PRKN: variants seen among roughly 807,000 people sequenced by gnomAD.
PRKN encodes the protein parkin RBR E3 ubiquitin protein ligase.
Under a neutral mutation model 59.5 loss-of-function variants are expected in PRKN, and 56 were observed. That is an observed-to-expected ratio of 0.94 (90% CI 0.76 to 1.18). The LOEUF (loss-of-function observed/expected upper bound fraction) is 1.18. Among genes scored for constraint, PRKN ranks in the 50% most tolerant of loss-of-function variants. The pLI is 0.00. For missense variants in PRKN, 657 were observed against 596.4 expected, an observed-to-expected ratio of 1.10 and a Z score of -1.06; for synonymous variants, 250 against 222.1, an observed-to-expected ratio of 1.13 and a Z score of -1.12.
chr6:162,487,188 T>C (rs889804200), intron 1 of PRKN, among the ~76,000 whole-genome samples: 2 of 152,204 alleles, frequency 1.3e-5, no homozygotes, highest in African/African-American at 4.8e-5. Context: ...TCTACCTCCT[T>C]GACCACCCAG....
At chr6:162,530,071 A>G (rs559170702) in intron 1 of PRKN, among the ~76,000 whole-genome samples, 4 of 152,014 alleles carry the variant, frequency 2.6e-5, no homozygotes, top group Non-Finnish European at 5.9e-5. Flanking sequence ...TGGAGGTTGC[A>G]GTGAGCCAAG....
chr6:161,628,520 T>C (rs563705737), intron 7 of PRKN, among the ~76,000 whole-genome samples: 1 of 152,338 alleles, frequency 6.6e-6, no homozygotes, highest in East Asian at 1.9e-4. Context: ...CCTTGAGGGT[T>C]AGGAGTTCAC....
At chr6:161,485,912 A>G (rs987362970) in intron 9 of PRKN, among the ~76,000 whole-genome samples, 1 of 152,074 alleles carries the variant, frequency 6.6e-6, no homozygotes, top group African/African-American at 2.4e-5. Flanking sequence ...AGAATTTTAA[A>G]CATATAAGTT....
At chr6:162,102,825 C>A (rs1333163622) in intron 4 of PRKN, among the ~76,000 whole-genome samples, 1 of 144,996 alleles carries the variant, frequency 6.9e-6, no homozygotes, top group Non-Finnish European at 1.5e-5. Flanking sequence ...AGGCGGATCA[C>A]GAGGTCAGGA....
chr6:161,895,540 G>A (rs962085298), intron 6 of PRKN, among the ~76,000 whole-genome samples: 1 of 116,056 alleles, frequency 8.6e-6, no homozygotes, highest in African/African-American at 3.4e-5. Flanking sequence ...AGGCTTCTGA[G>A]ATTCAGGAGC....
intron 5 of PRKN, among the ~76,000 whole-genome samples, chr6:161,994,110 C>T (rs192963797): frequency 1.3e-5 from 2 of 151,954 alleles, no homozygotes; most frequent in East Asian, 3.9e-4. Flanking sequence ...ATGCAAAAAT[C>T]CTCAACAAAA....
chr6:161,861,695 C>G (rs1793910196), intron 6 of PRKN, among the ~76,000 whole-genome samples: 1 of 151,618 alleles, frequency 6.6e-6, no homozygotes, highest in Admixed American at 6.6e-5. Context: ...TCCCCAAATC[C>G]TACCAACTGT....
intron 6 of PRKN, among the ~76,000 whole-genome samples, chr6:161,955,619 G>A (rs1006115581): frequency 6.6e-6 from 1 of 152,222 alleles, no homozygotes; most frequent in Non-Finnish European, 1.5e-5. Context: ...GGGAGACCGA[G>A]GTGGGCGGAT....
In PRKN at chr6:162,217,866, T is replaced by C. The variant is rs1362246439; in HGVS notation, c.413-16614A>G. On this transcript the variant is annotated intron_variant, in intron 3 of 11. Coordinates refer to ENST00000366898, the MANE Select transcript of PRKN (RefSeq NM_004562.3). ...AAGCAATATTCACCTTTCTTCCCTA[T>C]CCTTTATCCCTGCTAACAGCATCTA... 2.0e-5 allele frequency among the ~76,000 whole-genome samples: 3 copies of C among 152,168 alleles called. No homozygotes were observed. In the South Asian group the frequency reaches 6.2e-4, roughly 32 times the overall value.
At chr6:161,541,747 G>C (rs954100891) in intron 9 of PRKN, among the ~76,000 whole-genome samples, 19 of 152,018 alleles carry the variant, frequency 1.2e-4, no homozygotes, top group African/African-American at 4.3e-4. Context: ...TTTGAACCTT[G>C]AAGGCGGAGG....
chr6:161,573,421 T>A (rs1780970769), intron 7 of PRKN, among the ~76,000 whole-genome samples: 1 of 152,016 alleles, frequency 6.6e-6, no homozygotes, highest in Non-Finnish European at 1.5e-5. Flanking sequence ...ACATATTGTC[T>A]TAAAAATAAT....
chr6:162,565,651 T>C (rs1045277762), intron 1 of PRKN, among the ~76,000 whole-genome samples: 4 of 152,100 alleles, frequency 2.6e-5, no homozygotes, highest in African/African-American at 7.2e-5. Flanking sequence ...GATCGTGCCA[T>C]TGCACTCCAG....
At chr6:161,716,543 C>T (rs1786986759) in intron 7 of PRKN, among the ~76,000 whole-genome samples, 1 of 152,148 alleles carries the variant, frequency 6.6e-6, no homozygotes, top group African/African-American at 2.4e-5. Flanking sequence ...TATGTCTAAG[C>T]CCATCTGTCA....
rs56986552 is a variant in PRKN, at chr6:162,387,187, G to A, written c.171+56123C>T. ...GAAACATTTTAGAAGGTTCATAAAGGCAACAAGAATTGAAAATCCAGTAAT... is the reference window on the plus strand; with the variant it reads ...GAAACATTTTAGAAGGTTCATAAAGACAACAAGAATTGAAAATCCAGTAAT... On this transcript the variant is annotated intron_variant, in intron 2 of 11. Coordinates refer to ENST00000366898, the MANE Select transcript of PRKN (RefSeq NM_004562.3). Among the ~76,000 whole-genome samples the A allele has an allele frequency of 7.7e-3, 989 of 128,774 alleles. 8 individuals carry two copies. The highest frequency in any genetic ancestry group is 0.02 in the Middle Eastern group (4 of 204). The allele number at this position is 128,774 out of a possible 152,430, so 84.5% of individuals were successfully genotyped here.
chr6:162,030,813 C>A (rs1233163808), intron 5 of PRKN, among the ~76,000 whole-genome samples: 6 of 152,138 alleles, frequency 3.9e-5, no homozygotes, highest in Non-Finnish European at 5.9e-5. Flanking sequence ...GTGATGGACA[C>A]CCTCCTGGAG....
At chr6:161,507,532 C>A (rs1778219189) in intron 9 of PRKN, among the ~76,000 whole-genome samples, 1 of 152,120 alleles carries the variant, frequency 6.6e-6, no homozygotes, top group Non-Finnish European at 1.5e-5. Flanking sequence ...AACTAGCATT[C>A]CACTGGTCAG....
intron 3 of PRKN, among the ~76,000 whole-genome samples, chr6:162,235,037 T>G (rs1245221895): frequency 6.6e-6 from 1 of 152,184 alleles, no homozygotes; most frequent in Non-Finnish European, 1.5e-5. Context: ...AAAATATAAC[T>G]TTATGAAAAA....
intron 2 of PRKN, among the ~76,000 whole-genome samples, chr6:162,295,905 C>T (rs1183152612): frequency 2.0e-5 from 3 of 152,098 alleles, no homozygotes; most frequent in Admixed American, 6.6e-5. Context: ...ATTGTTAATA[C>T]AGGAAGGGCT....
intron 4 of PRKN, among the ~76,000 whole-genome samples, chr6:162,135,702 T>C (rs1781537173): frequency 6.6e-6 from 1 of 151,936 alleles, no homozygotes; most frequent in East Asian, 1.9e-4. Context: ...GTCTTTGCAA[T>C]GGGCTGGTCA....
Sources: allele counts gnomAD v4.1 joint callset (sites outside exome capture counted in the v4.1 genomes callset), GRCh38; gene constraint gnomAD v4.1.1; transcripts MANE v1.5; gene names NCBI Gene and HGNC (gene_info 2026-07-23, HGNC 2026-07-21).